The following SYCP2L variants were observed in gnomAD, a reference collection of about 807,000 sequenced individuals.
The protein encoded by SYCP2L is synaptonemal complex protein 2 like.
In SYCP2L, 98 loss-of-function variants were observed where a neutral mutation model predicts 125.8. The ratio of observed to expected loss-of-function variants is 0.78; its 90% CI spans 0.66 to 0.92. SYCP2L has a LOEUF of 0.92. Ranked by LOEUF, SYCP2L falls within the 40% of genes least tolerant of loss-of-function variation. The pLI, the probability that SYCP2L is intolerant of heterozygous loss-of-function variation, is 0.00. For missense variants in SYCP2L, 842 were observed against 936.4 expected (o/e 0.90, Z 1.32); for synonymous variants, 317 against 325.4 (o/e 0.97, Z 0.28).
intron 21 of SYCP2L, among the ~76,000 whole-genome samples, chr6:10,938,685 A>G (rs1411960830): frequency 1.3e-5 from 2 of 152,256 alleles, no homozygotes; most frequent in Non-Finnish European, 2.9e-5. Flanking sequence ...TGTTAGAACT[A>G]ATAAATGAAT....
At chr6:10,895,270 A>G (rs1424711542) in intron 4 of SYCP2L, among the ~76,000 whole-genome samples, 1 of 152,088 alleles carries the variant, frequency 6.6e-6, no homozygotes, top group African/African-American at 2.4e-5. Flanking sequence ...TGGGGTATGA[A>G]TAGGACTTCT....
intron 14 of SYCP2L, among the ~76,000 whole-genome samples, chr6:10,916,608 TC>T (rs1780698898): frequency 1.3e-5 from 2 of 152,238 alleles, no homozygotes; most frequent in South Asian, 4.1e-4. Flanking sequence ...TTATTTAATT[TC>T]CATGTATTTG....
intron 18 of SYCP2L, 73 bp downstream of exon 18, chr6:10,928,523 C>G: frequency 1.4e-6 from 2 of 1,459,406 alleles, no homozygotes; most frequent in South Asian, 1.6e-5. Context: ...AGCCACCTTT[C>G]CTGGTTCATG....
rs114163034 is a variant in SYCP2L, at chr6:10,913,497, G to C, written c.1072+570G>C. Reference sequence around the variant, plus strand: ...CATTAGTGATGTTGAGCATTTTTTCGTGTTTTCTGGCCATTTGTATATCTT... The same window carrying C: ...CATTAGTGATGTTGAGCATTTTTTCCTGTTTTCTGGCCATTTGTATATCTT... On this transcript the variant is annotated intron_variant, in intron 14 of 29. Transcript: ENST00000283141. Among the ~76,000 whole-genome samples, 1,134 of 152,026 alleles carry C rather than the reference G, an allele frequency of 7.5e-3. 17 individuals are homozygous for C. The highest frequency in any genetic ancestry group is 0.026 in the African/African-American group (1,067 of 41,468).
chr6:10,969,892 A>G (rs1288710768), intron 29 of SYCP2L, among the ~76,000 whole-genome samples: 3 of 152,132 alleles, frequency 2.0e-5, no homozygotes, highest in African/African-American at 7.2e-5. Context: ...ATATAACATG[A>G]TCCCACCTGT....
rs1581837338 is a variant in SYCP2L at position 10,942,475 on chromosome 6, C to G, written c.1830C>G (p.His610Gln). The change falls in exon 22 of 30, where the codon CAC (histidine) becomes CAG (glutamine). Residue 610 changes from histidine to glutamine, a missense_variant. Physicochemically the swap from His to Gln is conservative, Grantham distance 24. Coordinates refer to ENST00000283141, the MANE Select transcript of SYCP2L (RefSeq NM_001040274.3). ...AATGCTCAGAGCTTCAAGATCCTCA[C>G]TCACTGAGTGAGCTCTCTTCCTTGA... ...SAQKTELQDP[H>Q]SLSELSSLKH... 6.3e-7 allele frequency: 1 copy of G among 1,589,708 alleles called. No homozygotes were observed. The highest frequency in any genetic ancestry group is 1.4e-5 in the African/African-American group (1 of 73,492).
intron 24 of SYCP2L, 130 bp from the exon 25 acceptor site, chr6:10,956,006 C>T: frequency 1.5e-6 from 1 of 675,282 alleles, no homozygotes; most frequent in Non-Finnish European, 2.5e-6. Context: ...CATGTCCAGG[C>T]AGTCAGCGGG....
intron 6 of SYCP2L, among the ~76,000 whole-genome samples, chr6:10,901,383 CA>C (rs1780374604): frequency 6.6e-6 from 1 of 152,184 alleles, no homozygotes; most frequent in Non-Finnish European, 1.5e-5. Flanking sequence ...TTGCCCCTTA[CA>C]ATCCTGTTGC....
At chr6:10,910,357 A>T (rs1391694230) in intron 11 of SYCP2L, among the ~76,000 whole-genome samples, 157 bp downstream of exon 11, 1 of 152,220 alleles carries the variant, frequency 6.6e-6, no homozygotes, top group African/African-American at 2.4e-5. Flanking sequence ...ACCTGAGAAG[A>T]TCAGACCCTT....
intron 5 of SYCP2L, 76 bp from the exon 6 acceptor site, chr6:10,898,748 A>G (rs9357018): frequency 0.2 from 194,478 of 982,126 alleles, 21,182 homozygotes; most frequent in Middle Eastern, 0.23. Flanking sequence ...GAAAGTTAAC[A>G]CTAATACATT....
chr6:10,911,983 A>G (rs1291322424), intron 12 of SYCP2L, among the ~76,000 whole-genome samples: 1 of 132,664 alleles, frequency 7.5e-6, no homozygotes, highest in African/African-American at 2.9e-5. Flanking sequence ...ATCACTGCCA[A>G]CTCCGCCTCC....
intron 8 of SYCP2L, among the ~76,000 whole-genome samples, chr6:10,903,350 C>A (rs922286251): frequency 6.6e-6 from 1 of 152,140 alleles, no homozygotes; most frequent in African/African-American, 2.4e-5. Flanking sequence ...AGATCGAGAC[C>A]ATCCTGGCTA....
chr6:10,898,464 G>A (rs1039732221), intron 5 of SYCP2L, among the ~76,000 whole-genome samples: 3 of 152,146 alleles, frequency 2.0e-5, no homozygotes, highest in Non-Finnish European at 4.4e-5. Context: ...ATAGTGAGCC[G>A]AGACCACGCG....
chr6:10,920,373 A>C (rs2113337789), intron 14 of SYCP2L, among the ~76,000 whole-genome samples: 1 of 152,260 alleles, frequency 6.6e-6, no homozygotes, highest in East Asian at 1.9e-4. Flanking sequence ...CTATACCACC[A>C]TACCCAGCTA....
At chr6:10,898,498 A>G (rs537313128) in intron 5 of SYCP2L, among the ~76,000 whole-genome samples, 1 of 151,938 alleles carries the variant, frequency 6.6e-6, no homozygotes, top group Admixed American at 6.5e-5. Flanking sequence ...CTGGGAAACA[A>G]GAGTGAAACT....
chr6:10,940,613 C>T (rs563505130), intron 21 of SYCP2L, among the ~76,000 whole-genome samples: 201 of 151,966 alleles, frequency 1.3e-3, no homozygotes, highest in Non-Finnish European at 2.4e-3. Flanking sequence ...CACATATATA[C>T]GGAATGTAAA....
At chr6:10,962,201 T>C (rs1781605081) in intron 28 of SYCP2L, among the ~76,000 whole-genome samples, 1 of 144,848 alleles carries the variant, frequency 6.9e-6, no homozygotes. Flanking sequence ...AAGCTTTATC[T>C]TCCAATTGAG....
At chr6:10,900,220 A>C (rs1193563781) in intron 6 of SYCP2L, among the ~76,000 whole-genome samples, 1 of 152,090 alleles carries the variant, frequency 6.6e-6, no homozygotes, top group South Asian at 2.1e-4. Context: ...GGGTACCAGC[A>C]TGGTTGGATT....
chr6:10,925,683 T>G (rs1407978577), intron 15 of SYCP2L, among the ~76,000 whole-genome samples: 6 of 152,130 alleles, frequency 3.9e-5, no homozygotes. Flanking sequence ...TGAAAATAGT[T>G]TCTAAAAACT....
Sources: gnomAD v4.1 joint callset for allele counts (sites outside exome capture counted in the v4.1 genomes callset) on GRCh38, gnomAD v4.1.1 for gene constraint, MANE v1.5 for transcripts, NCBI Gene and HGNC (gene_info 2026-07-23, HGNC 2026-07-21) for gene names.